The following LPAR5 variants were observed in gnomAD, a reference collection of about 807,000 sequenced individuals.
The protein encoded by LPAR5 is G protein-coupled receptor 92.
For missense variants in LPAR5, 544 were observed against 521.8 expected (o/e 1.04, Z -0.41); for synonymous variants, 271 against 261.6 (o/e 1.04, Z -0.35).
At chr12:6,625,353 A>T (rs1272952133) in intron 1 of LPAR5, among the ~76,000 whole-genome samples, 1 of 144,518 alleles carries the variant, frequency 6.9e-6, no homozygotes, top group Non-Finnish European at 1.5e-5. Context: ...TGAACCCGGG[A>T]GGCGGAGCTT....
At chr12:6,627,423 C>G (rs1384285705) in intron 1 of LPAR5, among the ~76,000 whole-genome samples, 1 of 152,104 alleles carries the variant, frequency 6.6e-6, no homozygotes, top group Non-Finnish European at 1.5e-5. Flanking sequence ...AACCTCGTCT[C>G]TACTAAAAAT....
intron 1 of LPAR5, among the ~76,000 whole-genome samples, chr12:6,626,193 C>T (rs61918046): frequency 6.6e-6 from 1 of 152,094 alleles, no homozygotes. Context: ...ATCGCTTGAA[C>T]CCAGGAGGCA....
intron 1 of LPAR5, among the ~76,000 whole-genome samples, chr12:6,624,703 C>G (rs1348046023): frequency 6.6e-6 from 1 of 152,198 alleles, no homozygotes; most frequent in Non-Finnish European, 1.5e-5. Context: ...TCACCGCAAC[C>G]TCTGCTTCCA....
At position 6,620,246 on chromosome 12, in the gene LPAR5, A is replaced by G; in HGVS notation, c.1003T>C (p.Ser335Pro). The G allele has an allele frequency of 6.2e-7, 1 of 1,610,514 alleles. No individual in the cohort carries two copies. The highest frequency in any genetic ancestry group is 8.5e-7 in the Non-Finnish European group (1 of 1,178,494). Residue 335 changes from serine to proline, a missense_variant, in exon 2 of 2, where the codon TCC becomes CCC. Coordinates refer to ENST00000329858, the MANE Select transcript of LPAR5 (RefSeq NM_020400.6). This position sits in a 1 kb window ranked among gnomAD's most constrained non-coding sequence, Gnocchi z 6.8. ...TRAALAQSER[S>P]AVTTDATRPD... ...CTGGTGGCGTCGGTGGTGACGGCGG[A>G]CCTTTCGGATTGCGCGAGCGCCGCC...
chr12:6,630,645 T>G (rs1948975502), intron 1 of LPAR5, among the ~76,000 whole-genome samples: 1 of 151,642 alleles, frequency 6.6e-6, no homozygotes, highest in Non-Finnish European at 1.5e-5. Context: ...TAGAGACAGG[T>G]TTCACCATAT....
At chr12:6,623,247 A>C (rs1275433958) in intron 1 of LPAR5, among the ~76,000 whole-genome samples, 2 of 150,144 alleles carry the variant, frequency 1.3e-5, no homozygotes, top group Middle Eastern at 7.3e-3. Context: ...CAAAAAAAAA[A>C]AAAGGCGGCT....
chr12:6,634,725 G>T (rs1949000356), intron 1 of LPAR5, among the ~76,000 whole-genome samples: 1 of 151,294 alleles, frequency 6.6e-6, no homozygotes, highest in African/African-American at 2.4e-5. Context: ...GAACCCAGGA[G>T]TTTGAGGCTG....
intron 1 of LPAR5, among the ~76,000 whole-genome samples, chr12:6,622,001 A>G (rs6489724): frequency 0.98 from 148,474 of 152,042 alleles, 72,611 homozygotes; most frequent in East Asian, 1. Context: ...GGTGGTGCAC[A>G]CCTGTAATCC....
At chr12:6,625,785 AGTTTTTTGTTT>A (rs1948935405) in intron 1 of LPAR5, among the ~76,000 whole-genome samples, 1 of 151,682 alleles carries the variant, frequency 6.6e-6, no homozygotes, top group African/African-American at 2.4e-5. Context: ...GGCTATAACA[AGTTTTTTGTTT>A]GTTTTTTGTT....
Position 6,620,689 on chromosome 12 carries a change from C to A in LPAR5, c.560G>T (p.Arg187Met). The A allele has an allele frequency of 1.3e-6, 2 of 1,571,776 alleles. No individual in the cohort carries two copies. Among genetic ancestry groups the A allele is most frequent in the Non-Finnish European group, 1.7e-6 (2 of 1,158,380 alleles). The change falls in exon 2 of 2, where the codon AGG becomes ATG. Residue 187 changes from arginine to methionine, a missense_variant. Coordinates refer to ENST00000329858, the MANE Select transcript of LPAR5 (RefSeq NM_020400.6). This position sits in a 1 kb window ranked among gnomAD's most constrained non-coding sequence, Gnocchi z 6.8. ...GGCCAGCAGCACGAGGGGCAGCAGC[C>A]TGCCTTTCCACAGCTCGTCGCTGAA... is the stretch of plus-strand genomic sequence containing the variant. ...ESFSDELWKG[R>M]LLPLVLLAEA...
Position 6,619,563 on chromosome 12 carries a change from T to A in LPAR5, c.*567A>T, listed in dbSNP as rs930145648. ...ACTATCCCATGCTGGATGCCAAGTC[T>A]AAATTGTCACAAGTCACTATGCGAG... On this transcript the variant is annotated 3_prime_UTR_variant, in exon 2 of 2. Coordinates refer to ENST00000329858, the MANE Select transcript of LPAR5 (RefSeq NM_020400.6). 1.1e-5 allele frequency: 2 copies of A among 184,102 alleles called. No individual in the cohort carries two copies. The highest frequency in any genetic ancestry group is 2.8e-4 in the East Asian group (2 of 7,050). The allele number at this position is 184,102 out of a possible 1,614,324, so 11.4% of individuals were successfully genotyped here.
chr12:6,620,805 G>C lies in LPAR5; in HGVS notation c.444C>G (p.Leu148=). The change falls in exon 2 of 2, where the codon CTC becomes CTG. Residue 148 remains leucine, a synonymous_variant. Coordinates refer to ENST00000329858, the MANE Select transcript of LPAR5 (RefSeq NM_020400.6). The surrounding 1 kb of genome is among the most constrained non-coding windows in gnomAD (Gnocchi z 6.8). Reference sequence around the variant, plus strand: ...CGGCGGGCACGGCAAACACCAGGATGAGCGCCCACACGCCCAGGCAGAGCA... The same window carrying C: ...CGGCGGGCACGGCAAACACCAGGATCAGCGCCCACACGCCCAGGCAGAGCA... The part of the protein sequence containing the change: ...ARLLCLGVWA[L]ILVFAVPAAR... 1.3e-6 allele frequency: 2 copies of C among 1,572,560 alleles called. No individual in the cohort carries two copies. Among genetic ancestry groups the C allele is most frequent in the Non-Finnish European group, 1.7e-6 (2 of 1,159,558 alleles).
In LPAR5 at chr12:6,620,489, G is replaced by A; in HGVS notation, c.760C>T (p.Leu254=). ...LLCFVPYNST[L]AVYGLLRSKL... ...CTCCGCAGCAGCCCGTAGACCGCCA[G>A]CGTGCTGTTGTAGGGCACGAAGCAC... Residue 254 remains leucine (L), a synonymous_variant, in exon 2 of 2, where the codon CTG becomes TTG. Transcript: ENST00000329858. The surrounding 1 kb of genome is among the most constrained non-coding windows in gnomAD (Gnocchi z 6.8). 6.3e-7 allele frequency: 1 copy of A among 1,587,462 alleles called. No individual in the cohort carries two copies. The highest frequency in any genetic ancestry group is 8.6e-7 in the Non-Finnish European group (1 of 1,166,712).
intron 1 of LPAR5, among the ~76,000 whole-genome samples, chr12:6,633,098 GGTGGT>G: frequency 6.6e-6 from 1 of 152,220 alleles, no homozygotes; most frequent in African/African-American, 2.4e-5. Flanking sequence ...AGAAAGCAAA[GGTGGT>G]CTACAGCTCA....
In LPAR5 at chr12:6,619,576, G is replaced by T. The variant is rs1948868940; in HGVS notation, c.*554C>A. 1 of 189,016 alleles carries T rather than the reference G, an allele frequency of 5.3e-6. No individual in the cohort carries two copies. The highest frequency in any genetic ancestry group is 2.3e-5 in the African/African-American group (1 of 42,744). 11.7% of individuals were successfully genotyped at this position (189,016 alleles called of 1,614,324 possible). ...GGATGCCAAGTCTAAATTGTCACAA[G>T]TCACTATGCGAGAAAGAATGTAGTT... On this transcript the variant is annotated 3_prime_UTR_variant, in exon 2 of 2. Coordinates refer to ENST00000329858, the MANE Select transcript of LPAR5 (RefSeq NM_020400.6).
At position 6,620,010 on chromosome 12, in the gene LPAR5, G is replaced by T; in HGVS notation, c.*120C>A. The T allele has an allele frequency of 7.5e-7, 1 of 1,330,206 alleles. No individual in the cohort carries two copies. Among genetic ancestry groups the T allele is most frequent in the Non-Finnish European group, 1.1e-6 (1 of 945,698 alleles). The allele number at this position is 1,330,206 out of a possible 1,614,324, so 82.4% of individuals were successfully genotyped here. A position where few individuals can be genotyped will look rare whatever the true frequency, so the allele number is the denominator to read the frequency against. ...ACTTTGTACTCTTCTGCGTTGCTAA[G>T]CTGGAATTGCCACCCAAAGGTCCAA... On this transcript the variant is annotated 3_prime_UTR_variant, in exon 2 of 2. Transcript: ENST00000329858. The surrounding 1 kb of genome is among the most constrained non-coding windows in gnomAD (Gnocchi z 6.8).
At position 6,619,900 on chromosome 12, in the gene LPAR5, C is replaced by T. The variant is rs1347230521; in HGVS notation, c.*230G>A. On this transcript the variant is annotated 3_prime_UTR_variant, in exon 2 of 2. Transcript: ENST00000329858. ...GGTGGGCTCTCTGCATCACTTCCCA[C>T]CGCTGGAGAAGGGGTGCTCTGCGTG... 1.4e-6 allele frequency: 1 copy of T among 711,402 alleles called. No individual in the cohort carries two copies. The allele number at this position is 711,402 out of a possible 1,614,324, so 44.1% of individuals were successfully genotyped here.
At chr12:6,627,255 G>T (rs1383158528) in intron 1 of LPAR5, among the ~76,000 whole-genome samples, 1 of 152,120 alleles carries the variant, frequency 6.6e-6, no homozygotes, top group African/African-American at 2.4e-5. Context: ...TCATGCCACT[G>T]CACTACAGTT....
intron 1 of LPAR5, among the ~76,000 whole-genome samples, chr12:6,633,884 TGTGA>T (rs1197274475): frequency 6.6e-6 from 1 of 152,184 alleles, no homozygotes; most frequent in African/African-American, 2.4e-5. Context: ...ACATACTGCA[TGTGA>T]GTAAGTTTCT....
Sources: gnomAD v4.1 joint callset for allele counts (sites outside exome capture counted in the v4.1 genomes callset) on GRCh38, gnomAD v4.1.1 for gene constraint, Gnocchi (gnomAD v3.1) non-coding constraint, MANE v1.5 for transcripts, NCBI Gene and HGNC (gene_info 2026-07-23, HGNC 2026-07-21) for gene names.